Variants in APP observed in about 807,000 individuals in gnomAD.
APP encodes amyloid beta precursor protein.
APP carries 31 observed loss-of-function variants against 101.4 expected under a neutral mutation model. That is an observed-to-expected ratio of 0.31 (90% CI 0.23 to 0.41). APP has a LOEUF of 0.41. APP is among the 10% of genes least tolerant of loss of function. The pLI is 1.00. For synonymous variants in APP, 366 were observed against 364.4 expected, an observed-to-expected ratio of 1.00 and a Z score of -0.05; for missense variants, 839 against 1,003.7, an observed-to-expected ratio of 0.84 and a Z score of 2.22.
Position 26,160,003 on chromosome 21 carries a change from C to T in APP, c.57+10561G>A, listed in dbSNP as rs115465454. On this transcript the variant is annotated intron_variant, in intron 1 of 17. Coordinates refer to ENST00000346798, the MANE Select transcript of APP (RefSeq NM_000484.4). ...ATACCCTCTCTGCCACCACAACATT[C>T]ATTATGTTTGTCCTGGACAGCTCTA... Among the ~76,000 whole-genome samples the T allele has an allele frequency of 8.2e-3, 1,244 of 152,290 alleles. 12 individuals carry two copies. The highest frequency in any genetic ancestry group is 0.028 in the African/African-American group (1,163 of 41,554).
At chr21:26,146,944 CTAAA>C (rs1054056114) in intron 1 of APP, among the ~76,000 whole-genome samples, 15 of 150,868 alleles carry the variant, frequency 9.9e-5, no homozygotes, top group Middle Eastern at 3.4e-3. Flanking sequence ...ACACCATTAA[CTAAA>C]TAATCCATCT....
chr21:26,139,660 C>T (rs1018827364), intron 1 of APP, among the ~76,000 whole-genome samples: 4 of 152,060 alleles, frequency 2.6e-5, no homozygotes, highest in South Asian at 2.1e-4. Flanking sequence ...TTTAGGAGGC[C>T]GAGGCAGGCA....
In APP at chr21:25,926,929, G is replaced by A. The variant is rs538586091; in HGVS notation, c.1688-14967C>T. 3.5e-5 allele frequency among the ~76,000 whole-genome samples: 5 copies of A among 141,444 alleles called. No individual in the cohort carries two copies. In the South Asian group the frequency reaches 1.2e-3, roughly 33 times the overall value. 92.8% of individuals were successfully genotyped at this position (141,444 alleles called of 152,430 possible). A position where few individuals can be genotyped will look rare whatever the true frequency, so the allele number is the denominator to read the frequency against. ...GAGGCAGGAGAATGGTGTGAACCCCGGAGGCGGAGCTTGCAGTGAGCCGAG... is the reference window on the plus strand; with the variant it reads ...GAGGCAGGAGAATGGTGTGAACCCCAGAGGCGGAGCTTGCAGTGAGCCGAG... On this transcript the variant is annotated intron_variant, in intron 13 of 17. Transcript: ENST00000346798.
chr21:25,887,399 C>G (rs2037394612), intron 17 of APP, among the ~76,000 whole-genome samples: 1 of 151,558 alleles, frequency 6.6e-6, no homozygotes, highest in African/African-American at 2.4e-5. Flanking sequence ...TGCTTCACTG[C>G]TTGAAGCACC....
Position 26,000,195 on chromosome 21 carries a change from G to A in APP, c.866-13C>T, listed in dbSNP as rs1201237118. On this transcript the variant is annotated splice_polypyrimidine_tract_variant and intron_variant, in intron 6 of 17. Transcript: ENST00000346798. ...TCAGAGCACACCTCTAATCAGAGGAGATGTGGGGAACCACATTTAGCATGA... is the reference window on the plus strand; with the variant it reads ...TCAGAGCACACCTCTAATCAGAGGAAATGTGGGGAACCACATTTAGCATGA... The A allele has an allele frequency of 6.2e-7, 1 of 1,614,006 alleles. No individual in the cohort carries two copies. The highest frequency in any genetic ancestry group is 2.2e-5 in the East Asian group (1 of 44,886).
At chr21:26,120,983 C>G (rs986491368) in intron 1 of APP, among the ~76,000 whole-genome samples, 1 of 58 alleles carries the variant, frequency 0.017, no homozygotes, top group Admixed American at 0.071. Flanking sequence ...TCTTGCCACA[C>G]GTAGGCTCCC....
chr21:26,123,577 C>T (rs1327695092), intron 1 of APP, among the ~76,000 whole-genome samples: 1 of 152,016 alleles, frequency 6.6e-6, no homozygotes, highest in Non-Finnish European at 1.5e-5. Flanking sequence ...TTTGTAGAGC[C>T]CTCAGATTCA....
rs1243113112 is a variant in APP at position 26,152,290 on chromosome 21, A to AAAAAAAAAAAAAC, written c.57+18273_57+18274insGTTTTTTTTTTTT. ...ACAGAGCAAGACTCCATCTCAAAAA[A>AAAAAAAAAAAAAC]AAAAAAAAAAAAAAAAATGGGCCAA... On this transcript the variant is annotated intron_variant, in intron 1 of 17. Coordinates refer to ENST00000346798, the MANE Select transcript of APP (RefSeq NM_000484.4). Among the ~76,000 whole-genome samples, 904 of 144,902 alleles carry AAAAAAAAAAAAAC rather than the reference A, an allele frequency of 6.2e-3. 22 individuals carry two copies. Among genetic ancestry groups the AAAAAAAAAAAAAC allele is most frequent in the African/African-American group, 0.023 (858 of 36,526 alleles).
chr21:26,132,480 T>C lies in APP; in HGVS notation c.58-20334A>G, dbSNP rs184993178. 2.6e-5 allele frequency among the ~76,000 whole-genome samples: 4 copies of C among 151,496 alleles called. No individual in the cohort carries two copies. In the East Asian group the frequency reaches 7.8e-4, roughly 29 times the overall value. ...GACTTTTAATATTCAAGATGTAAAATAGGCACTCTTTTAAGAAATTACTTT... is the reference window on the plus strand; with the variant it reads ...GACTTTTAATATTCAAGATGTAAAACAGGCACTCTTTTAAGAAATTACTTT... On this transcript the variant is annotated intron_variant, in intron 1 of 17. Transcript: ENST00000346798.
chr21:25,939,088 A>C (rs1397999664), intron 13 of APP, among the ~76,000 whole-genome samples: 1 of 152,198 alleles, frequency 6.6e-6, no homozygotes, highest in Non-Finnish European at 1.5e-5. Context: ...TTGGGCCTTG[A>C]CCATTTTTAG....
chr21:25,968,210 G>A (rs1199856961), intron 11 of APP, among the ~76,000 whole-genome samples: 2 of 151,936 alleles, frequency 1.3e-5, no homozygotes, highest in Non-Finnish European at 1.5e-5. Context: ...GAGTGCAGTG[G>A]CACCATCACA....
At chr21:25,988,915 T>C (rs1301617446) in intron 8 of APP, among the ~76,000 whole-genome samples, 1 of 152,140 alleles carries the variant, frequency 6.6e-6, no homozygotes, top group East Asian at 1.9e-4. Context: ...ATTTCAATTT[T>C]AATACTGATA....
chr21:26,017,619 G>C (rs2044157111), intron 6 of APP, among the ~76,000 whole-genome samples: 1 of 124,048 alleles, frequency 8.1e-6, no homozygotes, highest in Non-Finnish European at 1.7e-5. Context: ...TGGAACATAA[G>C]GAAGAAATGT....
intron 1 of APP, among the ~76,000 whole-genome samples, chr21:26,155,494 A>G (rs1360638558): frequency 1.3e-5 from 2 of 152,166 alleles, no homozygotes; most frequent in Admixed American, 1.3e-4. Flanking sequence ...CCTCTACTGG[A>G]TAATTCTGCT....
intron 3 of APP, among the ~76,000 whole-genome samples, chr21:26,085,311 CA>C (rs35702720): frequency 0.042 from 6,445 of 152,210 alleles, 301 homozygotes; most frequent in East Asian, 0.23. Context: ...TGTAAACAAT[CA>C]AGAACATTCA....
intron 6 of APP, among the ~76,000 whole-genome samples, chr21:26,017,855 C>T (rs1431790349): frequency 6.6e-6 from 1 of 152,116 alleles, no homozygotes; most frequent in African/African-American, 2.4e-5. Context: ...TCCACTAGAC[C>T]AATAACCAAT....
chr21:25,918,859 C>T (rs1370257585), intron 13 of APP, among the ~76,000 whole-genome samples: 3 of 148,684 alleles, frequency 2.0e-5, no homozygotes, highest in Admixed American at 7.0e-5. Context: ...CCGGGAAGCT[C>T]GAACTGGGTG....
chr21:25,931,495 C>T (rs185363170), intron 13 of APP, among the ~76,000 whole-genome samples: 5 of 152,250 alleles, frequency 3.3e-5, no homozygotes, highest in Admixed American at 6.5e-5. Flanking sequence ...AAGTGACCTG[C>T]GCTTCATGAA....
intron 5 of APP, among the ~76,000 whole-genome samples, chr21:26,031,975 G>C (rs1339763878): frequency 5.9e-5 from 9 of 152,206 alleles, no homozygotes; most frequent in Non-Finnish European, 5.9e-5. Context: ...TGTGGCTCAG[G>C]CTACAGGGTT....
Sources: allele counts gnomAD v4.1 joint callset (sites outside exome capture counted in the v4.1 genomes callset), GRCh38; gene constraint gnomAD v4.1.1; transcripts MANE v1.5; gene names NCBI Gene and HGNC (gene_info 2026-07-23, HGNC 2026-07-21).